The following NFIX variants were observed in gnomAD, a reference collection of about 807,000 sequenced individuals.
The protein encoded by NFIX is nuclear factor I X, also known as nuclear factor 1 X-type.
Under a neutral mutation model 53.3 loss-of-function variants are expected in NFIX, and 2 were observed. The observed-to-expected ratio is 0.04, with a 90% CI of 0.02 to 0.12. The LOEUF is 0.12. Ranked by LOEUF, NFIX falls within the 10% of genes least tolerant of loss-of-function variation. The pLI is 1.00. For missense variants in NFIX, 310 were observed against 674.5 expected, an observed-to-expected ratio of 0.46 and a Z score of 5.99; for synonymous variants, 244 against 289.0, an observed-to-expected ratio of 0.84 and a Z score of 1.58.
chr19:13,094,544 C>G lies in NFIX; in HGVS notation c.1495-91C>G. 2 of 1,378,850 alleles carry G rather than the reference C, an allele frequency of 1.5e-6. No individual in the cohort carries two copies. Among genetic ancestry groups the G allele is most frequent in the Non-Finnish European group, 2.0e-6 (2 of 1,010,350 alleles). The allele number at this position is 1,378,850 out of a possible 1,614,324, so 85.4% of individuals were successfully genotyped here. On this transcript the variant is annotated intron_variant, in intron 10 of 10. Transcript: ENST00000592199. The surrounding 1 kb of genome is among the most constrained non-coding windows in gnomAD (Gnocchi z 4.3). ...CACCCTGGCTCTTTGGGAGCTGGAC[C>G]CTTGAGGGGCCAGGTCACTGGGCCA...
In NFIX at chr19:13,060,846, C is replaced by T. The variant is rs1007126961; in HGVS notation, c.560-12201C>T. On this transcript the variant is annotated intron_variant, in intron 2 of 10. Coordinates refer to ENST00000592199, the MANE Select transcript of NFIX (RefSeq NM_001365902.3). This position sits in a 1 kb window ranked among gnomAD's most constrained non-coding sequence, Gnocchi z 4.3. ...GCCCGCCCGGGAGGGTGTGCCCGCC[C>T]GGCTGCTGCCGCCACTGCAGAGGGC... 4.6e-5 allele frequency among the ~76,000 whole-genome samples: 7 copies of T among 152,160 alleles called. No individual in the cohort carries two copies. Among genetic ancestry groups the T allele is most frequent in the African/African-American group, 1.7e-4 (7 of 41,430 alleles).
chr19:12,997,497 C>T (rs1013890164), intron 1 of NFIX, among the ~76,000 whole-genome samples: 1 of 152,228 alleles, frequency 6.6e-6, no homozygotes, highest in East Asian at 1.9e-4. Flanking sequence ...TGGGGAACCC[C>T]CACATCTGCA....
chr19:13,087,941 C>CT, intron 8 of NFIX, 48 bp from the exon 9 acceptor site: 1 of 1,534,824 alleles, frequency 6.5e-7, no homozygotes. Context: ...GAGCGTGTGT[C>CT]TGTGTGTGAT....
rs2014225523 is a variant in NFIX, at chr19:13,036,735, G to C, written c.559+11183G>C. On this transcript the variant is annotated intron_variant, in intron 2 of 10. Coordinates refer to ENST00000592199, the MANE Select transcript of NFIX (RefSeq NM_001365902.3). This position sits in a 1 kb window ranked among gnomAD's most constrained non-coding sequence, Gnocchi z 4.7. ...AATACAGACAGGGGGTGTAATAAGT[G>C]TATATCCTCTGGCTATAAATAGCCA... 6.6e-6 allele frequency among the ~76,000 whole-genome samples: 1 copy of C among 152,156 alleles called. No individual in the cohort carries two copies. The highest frequency in any genetic ancestry group is 6.5e-5 in the Admixed American group (1 of 15,276).
intron 8 of NFIX, among the ~76,000 whole-genome samples, chr19:13,083,586 A>T (rs1047522088): frequency 6.6e-6 from 1 of 152,190 alleles, no homozygotes. Context: ...TTTTGCCTAG[A>T]AGCTTCTCTT....
chr19:13,024,287 A>G (rs2013145469), intron 1 of NFIX, among the ~76,000 whole-genome samples: 2 of 152,160 alleles, frequency 1.3e-5, no homozygotes, highest in Admixed American at 6.5e-5. Context: ...GCTAACAAGA[A>G]GTGTTTTGTT....
rs2011978995 is a variant in NFIX at position 13,005,739 on chromosome 19, C to G, written c.27+9875C>G. ...TTTCCCAAATTTCAAAATGGGTCTG[C>G]ACACCCCCACGCCCCCATTTGAAAC... On this transcript the variant is annotated intron_variant, in intron 1 of 10. Coordinates refer to ENST00000592199, the MANE Select transcript of NFIX (RefSeq NM_001365902.3). The surrounding 1 kb of genome is among the most constrained non-coding windows in gnomAD (Gnocchi z 4.7). 6.6e-6 allele frequency among the ~76,000 whole-genome samples: 1 copy of G among 152,310 alleles called. No individual in the cohort carries two copies. The highest frequency in any genetic ancestry group is 2.1e-4 in the South Asian group (1 of 4,830).
At chr19:13,015,443 CTGCTCTCTT>C (rs1251943409) in intron 1 of NFIX, among the ~76,000 whole-genome samples, 1 of 152,186 alleles carries the variant, frequency 6.6e-6, no homozygotes, top group Admixed American at 6.5e-5. Flanking sequence ...CTCACTCTCT[CTGCTCTCTT>C]CTCTTGATGC....
chr19:12,995,817 C>A lies in NFIX; in HGVS notation c.-21C>A. 2 of 994,964 alleles carry A rather than the reference C, an allele frequency of 2.0e-6. No homozygotes were observed. The highest frequency in any genetic ancestry group is 4.3e-5 in the South Asian group (1 of 23,420). The allele number at this position is 994,964 out of a possible 1,614,324, so 61.6% of individuals were successfully genotyped here. A position where few individuals can be genotyped will look rare whatever the true frequency, so the allele number is the denominator to read the frequency against. ...CCCCTCGCCGCGGCCGGCCGCCGCG[C>A]TCCCGCCCGGGCGCCCAGCTATGTA... On this transcript the variant is annotated 5_prime_UTR_variant, in exon 1 of 11. Coordinates refer to ENST00000592199, the MANE Select transcript of NFIX (RefSeq NM_001365902.3).
At chr19:13,075,819 A>C in intron 6 of NFIX, 148 bp downstream of exon 6, 1 of 979,712 alleles carries the variant, frequency 1.0e-6, no homozygotes, top group Non-Finnish European at 1.5e-6. Context: ...TCTTCCAGGG[A>C]GGGCAGAGCA....
In NFIX at chr19:13,028,041, G is replaced by T. The variant is rs2013504588; in HGVS notation, c.559+2489G>T. Among the ~76,000 whole-genome samples the T allele has an allele frequency of 6.6e-6, 1 of 152,236 alleles. No homozygotes were observed. Among genetic ancestry groups the T allele is most frequent in the Non-Finnish European group, 1.5e-5 (1 of 68,048 alleles). On this transcript the variant is annotated intron_variant, in intron 2 of 10. Transcript: ENST00000592199. The surrounding 1 kb of genome is among the most constrained non-coding windows in gnomAD (Gnocchi z 4.2). ...GCTGCATCACTTGTTCCTCTTTGGA[G>T]TTGGGTTGGGTGGTCTTGAGATGGC...
At position 13,067,504 on chromosome 19, in the gene NFIX, G is replaced by A. The variant is rs867661159; in HGVS notation, c.560-5543G>A. Reference sequence around the variant, plus strand: ...TGTGCGTGTGTGTGTGTGTGTGTGTGTATGTGTGTGTCTGAGTCTGAGCAT... The same window carrying A: ...TGTGCGTGTGTGTGTGTGTGTGTGTATATGTGTGTGTCTGAGTCTGAGCAT... On this transcript the variant is annotated intron_variant, in intron 2 of 10. Transcript: ENST00000592199. This position sits in a 1 kb window ranked among gnomAD's most constrained non-coding sequence, Gnocchi z 4.2. Among the ~76,000 whole-genome samples the A allele has an allele frequency of 3.0e-5, 4 of 133,716 alleles. No individual in the cohort carries two copies. The highest frequency in any genetic ancestry group is 6.6e-5 in the Non-Finnish European group (4 of 60,358). 87.7% of individuals were successfully genotyped at this position (133,716 alleles called of 152,430 possible).
In NFIX at chr19:13,073,535, G is replaced by A. The variant is rs755601147; in HGVS notation, c.697+39G>A. 6.3e-7 allele frequency: 1 copy of A among 1,578,110 alleles called. No individual in the cohort carries two copies. Among genetic ancestry groups the A allele is most frequent in the Non-Finnish European group, 8.7e-7 (1 of 1,147,324 alleles). On this transcript the variant is annotated intron_variant, in intron 4 of 10. Transcript: ENST00000592199. The surrounding 1 kb of genome is among the most constrained non-coding windows in gnomAD (Gnocchi z 4.5). ...TCCTTCCAGGCCAGGGATGGGGATTGAAAGTGAGGAGGTGGGACCTCATGG... is the reference window on the plus strand; with the variant it reads ...TCCTTCCAGGCCAGGGATGGGGATTAAAAGTGAGGAGGTGGGACCTCATGG...
chr19:13,018,983 C>T (rs1475589824), intron 1 of NFIX, among the ~76,000 whole-genome samples: 3 of 152,152 alleles, frequency 2.0e-5, no homozygotes, highest in Non-Finnish European at 4.4e-5. Context: ...ACTGGAATAT[C>T]TGGTCATTTC....
intron 1 of NFIX, among the ~76,000 whole-genome samples, chr19:13,007,410 G>A (rs1157682624): frequency 6.6e-6 from 1 of 152,196 alleles, no homozygotes; most frequent in Non-Finnish European, 1.5e-5. Context: ...TTGCAGAGCA[G>A]GACTGCAGCA....
rs1398603762 is a variant in NFIX at position 13,002,411 on chromosome 19, C to T, written c.27+6547C>T. Among the ~76,000 whole-genome samples the T allele has an allele frequency of 1.3e-5, 2 of 152,040 alleles. No homozygotes were observed. The highest frequency in any genetic ancestry group is 2.9e-5 in the Non-Finnish European group (2 of 67,972). On this transcript the variant is annotated intron_variant, in intron 1 of 10. Transcript: ENST00000592199. The surrounding 1 kb of genome is among the most constrained non-coding windows in gnomAD (Gnocchi z 6.1). Reference sequence around the variant, plus strand: ...ACCACCTCCCCCCTCCCGAGGAGCCCCTCTGAGGGCGGGAGTGGCCTCGTG... The same window carrying T: ...ACCACCTCCCCCCTCCCGAGGAGCCTCTCTGAGGGCGGGAGTGGCCTCGTG...
chr19:13,008,016 G>C (rs1313663297), intron 1 of NFIX, among the ~76,000 whole-genome samples: 1 of 152,164 alleles, frequency 6.6e-6, no homozygotes, highest in Non-Finnish European at 1.5e-5. Context: ...ACAGCTGCAG[G>C]ACAGCCTTGG....
chr19:13,065,194 AC>A (rs2016328642), intron 2 of NFIX, among the ~76,000 whole-genome samples: 1 of 151,810 alleles, frequency 6.6e-6, no homozygotes, highest in Non-Finnish European at 1.5e-5. Context: ...ACTGTGTTGT[AC>A]CCCCTCAGTG....
At chr19:13,058,094 G>C (rs1310408208) in intron 2 of NFIX, among the ~76,000 whole-genome samples, 1 of 152,020 alleles carries the variant, frequency 6.6e-6, no homozygotes, top group Admixed American at 6.5e-5. Context: ...CAGGGGAGGG[G>C]GTTGCCCTAA....
Sources: allele counts gnomAD v4.1 joint callset (sites outside exome capture counted in the v4.1 genomes callset), GRCh38; gene constraint gnomAD v4.1.1; non-coding constraint Gnocchi (gnomAD v3.1); transcripts MANE v1.5; gene names NCBI Gene and HGNC (gene_info 2026-07-23, HGNC 2026-07-21).